DLX6: variants seen among roughly 807,000 people sequenced by gnomAD.
The protein encoded by DLX6 is distal-less homeobox 6.
A neutral mutation model predicts 33.5 loss-of-function variants in DLX6; 4 were observed. The ratio of observed to expected loss-of-function variants is 0.12; its 90% confidence interval spans 0.06 to 0.27. DLX6 has a LOEUF of 0.27. Ranked by LOEUF, DLX6 falls within the 10% of genes least tolerant of loss-of-function variation. The pLI is 1.00. For synonymous variants in DLX6, 184 were observed against 164.8 expected, an observed-to-expected ratio of 1.12 and a Z score of -0.89; for missense variants, 382 against 393.3, an observed-to-expected ratio of 0.97 and a Z score of 0.24.
rs890748749 is a variant in DLX6 at position 97,005,832 on chromosome 7, C to T, written c.-146C>T. ...GAGAGGGAGAACCACCTCCACCCCC[C>T]TCTTTAAATTCTTTTTTTTTTTTTT... On this transcript the variant is annotated 5_prime_UTR_variant, in exon 1 of 3. Coordinates refer to ENST00000518156, the MANE Select transcript of DLX6 (RefSeq NM_005222.4). 12 of 617,608 alleles carry T rather than the reference C, an allele frequency of 1.9e-5. No individual in the cohort carries two copies. The highest frequency in any genetic ancestry group is 2.9e-5 in the Non-Finnish European group (11 of 382,232). The allele number at this position is 617,608 out of a possible 1,614,324, so 38.3% of individuals were successfully genotyped here.
intron 2 of DLX6, among the ~76,000 whole-genome samples, chr7:97,008,709 G>C (rs1207728): frequency 0.2 from 30,027 of 152,152 alleles, 3,101 homozygotes; most frequent in African/African-American, 0.22. Flanking sequence ...TCTGATGTAG[G>C]TAATCTTCAG....
At chr7:97,008,287 A>C (rs1364508936) in intron 2 of DLX6, among the ~76,000 whole-genome samples, 2 of 152,210 alleles carry the variant, frequency 1.3e-5, no homozygotes, top group Non-Finnish European at 2.9e-5. Flanking sequence ...ACTAAGAAAA[A>C]ACAAAGTAGG....
rs1319396012 is a variant in DLX6, at chr7:97,010,154, A to T, written c.*107A>T. ...CAAAGGAGCAGGCTTAGGAGAGCTCATAAGTGTGGCAAGAAGCCGACTAGG... is the reference window on the plus strand; with the variant it reads ...CAAAGGAGCAGGCTTAGGAGAGCTCTTAAGTGTGGCAAGAAGCCGACTAGG... On this transcript the variant is annotated 3_prime_UTR_variant, in exon 3 of 3. Coordinates refer to ENST00000518156, the MANE Select transcript of DLX6 (RefSeq NM_005222.4). 1.5e-6 allele frequency: 2 copies of T among 1,378,438 alleles called. No homozygotes were observed. Among genetic ancestry groups the T allele is most frequent in the Non-Finnish European group, 1.9e-6 (2 of 1,031,436 alleles). 85.4% of individuals were successfully genotyped at this position (1,378,438 alleles called of 1,614,324 possible).
Position 97,010,282 on chromosome 7 carries a change from T to G in DLX6, c.*235T>G. The G allele has an allele frequency of 2.0e-6, 1 of 502,014 alleles. No homozygotes were observed. Among genetic ancestry groups the G allele is most frequent in the Non-Finnish European group, 3.5e-6 (1 of 289,662 alleles). The allele number at this position is 502,014 out of a possible 1,614,324, so 31.1% of individuals were successfully genotyped here. ...CCTTTTCCTTTCTACCTTTCTTTTCTTTTTGCCTTTCACCTTTTTTCTCAT... is the reference window on the plus strand; with the variant it reads ...CCTTTTCCTTTCTACCTTTCTTTTCGTTTTGCCTTTCACCTTTTTTCTCAT... On this transcript the variant is annotated 3_prime_UTR_variant, in exon 3 of 3. Transcript: ENST00000518156.
rs1373023259 is a variant in DLX6, at chr7:97,007,712, C to G, written c.511C>G (p.Arg171Gly). 1 of 1,612,406 alleles carries G rather than the reference C, an allele frequency of 6.2e-7. No individual in the cohort carries two copies. The highest frequency in any genetic ancestry group is 8.5e-7 in the Non-Finnish European group (1 of 1,179,296). The change falls in exon 2 of 3, where the codon CGG becomes GGG. Residue 171 changes from arginine to glycine, a missense_variant. By Grantham distance (125) the Arg-to-Gly change is moderately radical. Around this residue, in one of 4 missense-constraint regions of DLX6, gnomAD observed 25 missense variants for 51.9 expected, o/e 0.48. Transcript: ENST00000518156. ...NGKGKKIRKP[R>G]TIYSSLQLQA... ...AAAAGGGAAAAAGATTCGGAAGCCT[C>G]GGACCATTTATTCCAGCCTGCAGCT...
At chr7:97,007,298 C>T in intron 1 of DLX6, 1 of 580,718 alleles carries the variant, frequency 1.7e-6, no homozygotes, top group South Asian at 2.2e-5. Context: ...CACAGGGGCC[C>T]CGCTCCGCCC....
In DLX6 at chr7:97,005,828, C is replaced by T. The variant is rs1302185521; in HGVS notation, c.-150C>T. ...GAGGGAGAGGGAGAACCACCTCCAC[C>T]CCCCTCTTTAAATTCTTTTTTTTTT... On this transcript the variant is annotated 5_prime_UTR_variant, in exon 1 of 3. Coordinates refer to ENST00000518156, the MANE Select transcript of DLX6 (RefSeq NM_005222.4). 3.8e-5 allele frequency: 22 copies of T among 586,492 alleles called. No homozygotes were observed. In the South Asian group the frequency reaches 5.6e-4, roughly 15 times the overall value. 36.3% of individuals were successfully genotyped at this position (586,492 alleles called of 1,614,324 possible).
In DLX6 at chr7:97,005,923, G is replaced by A. The variant is rs556392888; in HGVS notation, c.-55G>A. On this transcript the variant is annotated 5_prime_UTR_variant, in exon 1 of 3. Coordinates refer to ENST00000518156, the MANE Select transcript of DLX6 (RefSeq NM_005222.4). ...GAGGGGAGAGCGGCGCGAGCCAAGT[G>A]GGGGAGGGTGGAGGAAACCCGGGAG... is the stretch of plus-strand genomic sequence containing the variant. 3.3e-5 allele frequency: 48 copies of A among 1,461,208 alleles called. No homozygotes were observed. In the Admixed American group the frequency reaches 9.1e-4, roughly 28 times the overall value. 90.5% of individuals were successfully genotyped at this position (1,461,208 alleles called of 1,614,324 possible).
Position 97,010,183 on chromosome 7 carries a change from ATT to A in DLX6, c.*137_*138del. On this transcript the variant is annotated 3_prime_UTR_variant, in exon 3 of 3. Coordinates refer to ENST00000518156, the MANE Select transcript of DLX6 (RefSeq NM_005222.4). ...GTGTGGCAAGAAGCCGACTAGGCTC[ATT>A]CTCTCTCCCTCTCTCTCTCTCTCCC... 1.0e-6 allele frequency: 1 copy of A among 982,494 alleles called. No individual in the cohort carries two copies. 60.9% of individuals were successfully genotyped at this position (982,494 alleles called of 1,614,324 possible). A position where few individuals can be genotyped will look rare whatever the true frequency, so the allele number is the denominator to read the frequency against.
chr7:97,006,094 G>GCAGCAA lies in DLX6; in HGVS notation c.128_133dup (p.Gln43_Gln44dup), dbSNP rs749075748. On this transcript the variant is annotated inframe_insertion, in exon 1 of 3. Transcript: ENST00000518156. ...AGCAGCAACAGCAGCAGCAGCAGCA[G>GCAGCAA]CAGCAACAGCAACAGCCGCCGCCGC... is the stretch of plus-strand genomic sequence containing the variant. 133 of 1,554,334 alleles carry GCAGCAA rather than the reference G, an allele frequency of 8.6e-5. No homozygotes were observed. The highest frequency in any genetic ancestry group is 8.0e-4 in the South Asian group (68 of 84,700).
At position 97,006,469 on chromosome 7, in the gene DLX6, G is replaced by T; in HGVS notation, c.436+56G>T. The T allele has an allele frequency of 4.8e-6, 4 of 835,898 alleles. No individual in the cohort carries two copies. The South Asian group carries it at 1.8e-4, about 37-fold the overall frequency. The allele number at this position is 835,898 out of a possible 1,614,324, so 51.8% of individuals were successfully genotyped here. A position where few individuals can be genotyped will look rare whatever the true frequency, so the allele number is the denominator to read the frequency against. ...CCGCCTCCCGACTGCCCCCTACCCCGCCCGCCCGCTCACTTCCTCGACGCC... is the reference window on the plus strand; with the variant it reads ...CCGCCTCCCGACTGCCCCCTACCCCTCCCGCCCGCTCACTTCCTCGACGCC... On this transcript the variant is annotated intron_variant, in intron 1 of 2. Coordinates refer to ENST00000518156, the MANE Select transcript of DLX6 (RefSeq NM_005222.4).
At position 97,009,944 on chromosome 7, in the gene DLX6, C is replaced by T. The variant is rs374453064; in HGVS notation, c.779C>T (p.Ser260Leu). The T allele has an allele frequency of 1.1e-4, 183 of 1,613,784 alleles. No homozygotes were observed. Among genetic ancestry groups the T allele is most frequent in the Admixed American group, 3.0e-4 (18 of 59,996 alleles). Reference sequence around the variant, plus strand: ...CCTCCAGTCTGGGACGTTTCTGCCTCGGCCAAGGGTGTCAGTATGCCCCCC... The same window carrying T: ...CCTCCAGTCTGGGACGTTTCTGCCTTGGCCAAGGGTGTCAGTATGCCCCCC... ...ALPPVWDVSASAKGVSMPPNS... is the reference protein window; with the variant it reads ...ALPPVWDVSALAKGVSMPPNS... Residue 260 changes from serine (S) to leucine (L), a missense_variant, in exon 3 of 3, where the codon TCG (serine) becomes TTG (leucine). Around this residue, in one of 4 missense-constraint regions of DLX6, gnomAD observed 96 missense variants for 93.3 expected, o/e 1.03. Coordinates refer to ENST00000518156, the MANE Select transcript of DLX6 (RefSeq NM_005222.4).
chr7:97,009,164 G>A (rs1245383807), intron 2 of DLX6, among the ~76,000 whole-genome samples: 1 of 152,144 alleles, frequency 6.6e-6, no homozygotes, highest in Admixed American at 6.5e-5. Context: ...CAAGGTTATG[G>A]GGATATATTT....
In DLX6 at chr7:97,006,273, C is replaced by T; in HGVS notation, c.296C>T (p.Pro99Leu). 1 of 1,531,542 alleles carries T rather than the reference C, an allele frequency of 6.5e-7. No individual in the cohort carries two copies. The highest frequency in any genetic ancestry group is 8.8e-7 in the Non-Finnish European group (1 of 1,137,142). 94.9% of individuals were successfully genotyped at this position (1,531,542 alleles called of 1,614,324 possible). Reference sequence around the variant, plus strand: ...CACCAGCACCACCACCACGGCTCGCCCTACGCGTCGGGCGGAGGGAACTCC... The same window carrying T: ...CACCAGCACCACCACCACGGCTCGCTCTACGCGTCGGGCGGAGGGAACTCC... ...HHHQHHHHGS[P>L]YASGGGNSYN... Residue 99 changes from proline to leucine, a missense_variant, in exon 1 of 3, where the codon CCC becomes CTC. Transcript: ENST00000518156.
rs961268483 is a variant in DLX6, at chr7:97,006,148, G to T, written c.171G>T (p.Ser57=). 20 of 1,540,348 alleles carry T rather than the reference G, an allele frequency of 1.3e-5. No individual in the cohort carries two copies. Among genetic ancestry groups the T allele is most frequent in the African/African-American group, 2.8e-5 (2 of 72,480 alleles). The change falls in exon 1 of 3, where the codon TCG becomes TCT. Residue 57 remains serine, a synonymous_variant. Transcript: ENST00000518156. The part of the protein sequence containing the change: ...PPPPPPPQPH[S]QQSSPAMAGA... The stretch of plus-strand genomic sequence containing the variant: ...CGCCGCCGCCGCCGCAGCCGCACTC[G>T]CAGCAGAGCTCCCCGGCCATGGCAG...
rs1584154877 is a variant in DLX6 at position 97,006,203 on chromosome 7, T to G, written c.226T>G (p.Ser76Ala). 6.7e-7 allele frequency: 1 copy of G among 1,491,332 alleles called. No homozygotes were observed. The highest frequency in any genetic ancestry group is 9.0e-7 in the Non-Finnish European group (1 of 1,114,084). The allele number at this position is 1,491,332 out of a possible 1,614,324, so 92.4% of individuals were successfully genotyped here. The stretch of plus-strand genomic sequence containing the variant: ...GCACTACCCTCTGCACTGCCTGCAC[T>G]CGGCGGCGGCGGCGGCAGCGGCCGG... ...GAHYPLHCLHSAAAAAAAGSH... is the reference protein window; with the variant it reads ...GAHYPLHCLHAAAAAAAAGSH... Residue 76 changes from serine to alanine, a missense_variant, in exon 1 of 3, where the codon TCG becomes GCG. This residue lies in a region of DLX6 where 257 missense variants were observed against 206.9 expected (regional missense o/e 1.24). Transcript: ENST00000518156.
Position 97,007,605 on chromosome 7 carries a change from G to A in DLX6, c.437-33G>A, listed in dbSNP as rs1255141883. ...AGGGAGATGGCAGCAGTAGCCTCCCGGGTGACCGCTCCTCTGTATTATTTG... is the reference window on the plus strand; with the variant it reads ...AGGGAGATGGCAGCAGTAGCCTCCCAGGTGACCGCTCCTCTGTATTATTTG... On this transcript the variant is annotated intron_variant, in intron 1 of 2. Transcript: ENST00000518156. 15 of 1,577,880 alleles carry A rather than the reference G, an allele frequency of 9.5e-6. No individual in the cohort carries two copies. In the East Asian group the frequency reaches 2.3e-4, roughly 24 times the overall value.
rs1393099414 is a variant in DLX6, at chr7:97,006,277, C to T, written c.300C>T (p.Tyr100=). The T allele has an allele frequency of 2.2e-5, 34 of 1,530,866 alleles. No homozygotes were observed. The highest frequency in any genetic ancestry group is 2.9e-5 in the Non-Finnish European group (33 of 1,136,888). The allele number at this position is 1,530,866 out of a possible 1,614,324, so 94.8% of individuals were successfully genotyped here. ...AGCACCACCACCACGGCTCGCCCTA[C>T]GCGTCGGGCGGAGGGAACTCCTACA... ...HHQHHHHGSP[Y]ASGGGNSYNH... is the part of the protein sequence containing the mutation. Residue 100 remains tyrosine, a synonymous_variant, in exon 1 of 3, where the codon TAC becomes TAT. Coordinates refer to ENST00000518156, the MANE Select transcript of DLX6 (RefSeq NM_005222.4).
In DLX6 at chr7:97,006,232, GCAC is replaced by G. The variant is rs746036175; in HGVS notation, c.273_275del (p.His91del). 1.2e-3 allele frequency: 1,783 copies of G among 1,501,692 alleles called. 12 individuals carry two copies. In the East Asian group the frequency reaches 0.029, roughly 24 times the overall value. The allele number at this position is 1,501,692 out of a possible 1,614,324, so 93.0% of individuals were successfully genotyped here. A position where few individuals can be genotyped will look rare whatever the true frequency, so the allele number is the denominator to read the frequency against. ...CGGCGGCGGCGGCAGCGGCCGGCTCGCACCACCACCACCACCACCAGCACCACC... is the reference window on the plus strand; with the variant it reads ...CGGCGGCGGCGGCAGCGGCCGGCTCGCACCACCACCACCACCAGCACCACC... On this transcript the variant is annotated inframe_deletion, in exon 1 of 3. Coordinates refer to ENST00000518156, the MANE Select transcript of DLX6 (RefSeq NM_005222.4).
Sources: gnomAD v4.1 joint callset for allele counts (sites outside exome capture counted in the v4.1 genomes callset) on GRCh38, gnomAD v4.1.1 for gene constraint, gnomAD v4.1.1 regional missense constraint, MANE v1.5 for transcripts, NCBI Gene and HGNC (gene_info 2026-07-23, HGNC 2026-07-21) for gene names.